TXNDC9: variants seen among roughly 807,000 people sequenced by gnomAD.
TXNDC9 encodes thioredoxin domain-containing protein 9.
A neutral mutation model predicts 23.0 loss-of-function variants in TXNDC9; 7 were observed. The observed-to-expected ratio is 0.30, with a 90% CI of 0.17 to 0.57. The LOEUF (loss-of-function observed/expected upper bound fraction) is 0.57. Among genes scored for constraint, TXNDC9 ranks in the 20% least tolerant of loss-of-function variants. TXNDC9 has a pLI of 0.90. For missense variants in TXNDC9, 198 were observed against 252.6 expected, an observed-to-expected ratio of 0.78 and a Z score of 1.47; for synonymous variants, 72 against 90.6, an observed-to-expected ratio of 0.79 and a Z score of 1.17.
downstream of TXNDC9, among the ~76,000 whole-genome samples, chr2:99,315,255 C>CG (rs1201971114): frequency 6.6e-5 from 10 of 151,706 alleles, no homozygotes; most frequent in East Asian, 1.9e-3. Flanking sequence ...TTAGTAGAGA[C>CG]GGGGTTTCAC....
chr2:99,314,677 C>A (rs1387371907), downstream of TXNDC9, among the ~76,000 whole-genome samples: 7 of 151,024 alleles, frequency 4.6e-5, no homozygotes, highest in South Asian at 4.2e-4. Context: ...ACTACAGGCG[C>A]ATGCCACCAC....
intron 2 of TXNDC9, among the ~76,000 whole-genome samples, chr2:99,328,505 G>T (rs1319024499): frequency 6.6e-6 from 1 of 152,032 alleles, no homozygotes; most frequent in Non-Finnish European, 1.5e-5. Context: ...GCATGGCCTG[G>T]GTTCAAGACA....
chr2:99,332,828 T>C (rs937527488), intron 2 of TXNDC9, 194 bp downstream of exon 2: 2 of 550,378 alleles, frequency 3.6e-6, no homozygotes, highest in South Asian at 2.5e-5. Context: ...TGTGGATTAA[T>C]ATAGAGATTG....
At chr2:99,324,655 C>T (rs866167088) in intron 3 of TXNDC9, among the ~76,000 whole-genome samples, 2 of 152,222 alleles carry the variant, frequency 1.3e-5, no homozygotes, top group South Asian at 4.1e-4. Flanking sequence ...CTCACTGCAA[C>T]CTCCACCTCC....
downstream of TXNDC9, among the ~76,000 whole-genome samples, chr2:99,317,678 A>G (rs1474398061): frequency 6.6e-6 from 1 of 151,082 alleles, no homozygotes; most frequent in Non-Finnish European, 1.5e-5. Flanking sequence ...GGGTCTCACT[A>G]TGTTGCCGAG....
chr2:99,319,817 G>C lies in TXNDC9; in HGVS notation c.564-18C>G, dbSNP rs746000978. 1.7e-5 allele frequency: 20 copies of C among 1,182,418 alleles called. No individual in the cohort carries two copies. Among genetic ancestry groups the C allele is most frequent in the Non-Finnish European group, 2.4e-5 (20 of 823,762 alleles). 73.2% of individuals were successfully genotyped at this position (1,182,418 alleles called of 1,614,324 possible). On this transcript the variant is annotated intron_variant, in intron 4 of 4. Transcript: ENST00000264255. ...AATTTCCACTTAAAAAAAAAAAAAA[G>C]CATTTTATTCTTTATGATTTAGTAC...
In TXNDC9 at chr2:99,327,552, G is replaced by A. The variant is rs747256250; in HGVS notation, c.291C>T (p.Tyr97=). ...KESENVVCHF[Y]RDSTFRCKIL... Reference sequence around the variant, plus strand: ...AAAGTTACCTGAATGTGGAGTCTCTGTAGAAATGGCAAACCACATTTTCAC... The same window carrying A: ...AAAGTTACCTGAATGTGGAGTCTCTATAGAAATGGCAAACCACATTTTCAC... Residue 97 remains tyrosine (Y), a synonymous_variant, in exon 3 of 5, where the codon TAC becomes TAT. Transcript: ENST00000264255. 6.2e-7 allele frequency: 1 copy of A among 1,612,002 alleles called. No homozygotes were observed. Among genetic ancestry groups the A allele is most frequent in the Admixed American group, 1.7e-5 (1 of 59,832 alleles).
intron 1 of TXNDC9, 110 bp downstream of exon 1, chr2:99,336,129 G>A (rs2105328827): frequency 3.2e-6 from 3 of 924,056 alleles, no homozygotes; most frequent in Non-Finnish European, 3.9e-6. Context: ...CCAGGACACC[G>A]ACACCGGTGC....
the TXNDC9 span, among the ~76,000 whole-genome samples, chr2:99,311,284 GT>G: frequency 6.6e-6 from 1 of 152,000 alleles, no homozygotes; most frequent in Non-Finnish European, 1.5e-5. Flanking sequence ...GCCCAGGCTG[GT>G]CCCCCTGCCT....
intron 1 of TXNDC9, among the ~76,000 whole-genome samples, chr2:99,335,051 G>C (rs2094235492): frequency 6.6e-6 from 1 of 152,176 alleles, no homozygotes; most frequent in Non-Finnish European, 1.5e-5. Flanking sequence ...GGAGTATTTT[G>C]TACGAGAAAT....
intron 3 of TXNDC9, among the ~76,000 whole-genome samples, chr2:99,327,084 C>CT (rs566536422): frequency 6.7e-6 from 1 of 150,130 alleles, no homozygotes; most frequent in Non-Finnish European, 1.5e-5. Flanking sequence ...TTTTTTCTTT[C>CT]TTTTTTGAGA....
chr2:99,328,649 A>G (rs1656748754), intron 2 of TXNDC9, among the ~76,000 whole-genome samples: 1 of 152,120 alleles, frequency 6.6e-6, no homozygotes, highest in Non-Finnish European at 1.5e-5. Flanking sequence ...AACCAGAAGC[A>G]TTTGATCCAA....
chr2:99,321,086 C>T (rs1006506834), intron 4 of TXNDC9: 1 of 151,666 alleles, frequency 6.6e-6, no homozygotes, highest in African/African-American at 2.4e-5. Flanking sequence ...AAATATATAA[C>T]TTTATTTAAT....
intron 1 of TXNDC9, among the ~76,000 whole-genome samples, chr2:99,334,781 C>G (rs757839408): frequency 6.6e-6 from 1 of 152,142 alleles, no homozygotes; most frequent in Non-Finnish European, 1.5e-5. Context: ...GGCGCATCTC[C>G]GCTCACTGCT....
At chr2:99,327,970 A>T (rs2094216716) in intron 2 of TXNDC9, among the ~76,000 whole-genome samples, 1 of 151,894 alleles carries the variant, frequency 6.6e-6, no homozygotes, top group African/African-American at 2.4e-5. Flanking sequence ...TTTTTAGCAG[A>T]GATGGGTTTT....
At chr2:99,309,425 T>C in the TXNDC9 span, among the ~76,000 whole-genome samples, 437 of 152,076 alleles carry the variant, frequency 2.9e-3, 2 homozygotes, top group African/African-American at 9.9e-3. Flanking sequence ...AATGAGACAT[T>C]CTTACAGGCT....
intron 2 of TXNDC9, among the ~76,000 whole-genome samples, chr2:99,329,665 G>A (rs193170792): frequency 5.6e-4 from 86 of 152,246 alleles, no homozygotes; most frequent in Non-Finnish European, 1.1e-3. Flanking sequence ...AATGATATGT[G>A]CCCTTAAAAA....
intron 2 of TXNDC9, among the ~76,000 whole-genome samples, chr2:99,327,856 C>A (rs1376454836): frequency 6.7e-6 from 1 of 149,934 alleles, no homozygotes; most frequent in Non-Finnish European, 1.5e-5. Context: ...GCGATCTTGG[C>A]TCACTGCAAC....
At chr2:99,322,729 C>G (rs1034991373) in intron 3 of TXNDC9, 1 of 1,405,356 alleles carries the variant, frequency 7.1e-7, no homozygotes, top group African/African-American at 1.5e-5. Flanking sequence ...CATTATGCTT[C>G]TAGGAAATTA....
Sources: allele counts gnomAD v4.1 joint callset (sites outside exome capture counted in the v4.1 genomes callset), GRCh38; gene constraint gnomAD v4.1.1; transcripts MANE v1.5; gene names NCBI Gene and HGNC (gene_info 2026-07-23, HGNC 2026-07-21).